Variants in ART1 observed in about 807,000 individuals in gnomAD.
ART1 encodes GPI-linked NAD(P)(+)--arginine ADP-ribosyltransferase 1.
ART1 carries 29 observed loss-of-function variants against 27.0 expected under a neutral mutation model. That is an observed-to-expected ratio of 1.08 (90% CI 0.80 to 1.47). The LOEUF is 1.47. Among genes scored for constraint, ART1 ranks in the 40% most tolerant of loss-of-function variants. ART1 has a pLI of 0.00. For synonymous variants in ART1, 201 were observed against 172.2 expected, an observed-to-expected ratio of 1.17 and a Z score of -1.31; for missense variants, 480 against 423.0, an observed-to-expected ratio of 1.13 and a Z score of -1.18.
intron 2 of ART1, 109 bp downstream of exon 2, chr11:3,659,385 TG>T: frequency 6.6e-7 from 1 of 1,517,450 alleles, no homozygotes; most frequent in Non-Finnish European, 9.1e-7. Context: ...ACGCTTCCCC[TG>T]GGGATCACTC....
chr11:3,646,396 T>C (rs568317658), intron 1 of ART1, among the ~76,000 whole-genome samples: 25 of 152,214 alleles, frequency 1.6e-4, no homozygotes, highest in Admixed American at 3.3e-4. Context: ...TGACGAATGA[T>C]TGACTGAATG....
At position 3,660,276 on chromosome 11, in the gene ART1, A is replaced by C. The variant is rs781609382; in HGVS notation, c.757A>C (p.Asn253His). ...CCCCTTTGAGACCTTCCAAGTGATCAATGCCAGCAGACTGGCCCAGGGCCC... is the reference window on the plus strand; with the variant it reads ...CCCCTTTGAGACCTTCCAAGTGATCCATGCCAGCAGACTGGCCCAGGGCCC... The part of the protein sequence containing the change: ...IPPFETFQVI[N>H]ASRLAQGPAR... Residue 253 changes from asparagine (N) to histidine (H), a missense_variant, in exon 3 of 5, where the codon AAT becomes CAT. Coordinates refer to ENST00000250693, the MANE Select transcript of ART1 (RefSeq NM_004314.3). The C allele has an allele frequency of 3.7e-6, 6 of 1,612,644 alleles. No homozygotes were observed. In the South Asian group the frequency reaches 6.6e-5, roughly 18 times the overall value.
rs2280135 is a variant in ART1, at chr11:3,660,385, G to A, written c.844+22G>A. 5.0e-4 allele frequency: 800 copies of A among 1,585,080 alleles called. 7 individuals carry two copies. In the East Asian group the frequency reaches 0.015, roughly 30 times the overall value. ...AAAGGTAGGAGGGCAAGCGCTGGTC[G>A]GCACCTGTGCGGAAGGTGGACCTTC... On this transcript the variant is annotated intron_variant, in intron 3 of 4. Coordinates refer to ENST00000250693, the MANE Select transcript of ART1 (RefSeq NM_004314.3).
At chr11:3,649,774 G>C (rs1173840471) in intron 1 of ART1, among the ~76,000 whole-genome samples, 2 of 152,262 alleles carry the variant, frequency 1.3e-5, no homozygotes, top group South Asian at 2.1e-4. Context: ...CAAGGTTAAT[G>C]CTCCTTTTTC....
At chr11:3,650,541 C>G (rs1457062178) in intron 1 of ART1, among the ~76,000 whole-genome samples, 2 of 152,200 alleles carry the variant, frequency 1.3e-5, no homozygotes, top group African/African-American at 2.4e-5. Flanking sequence ...ACATTACCTT[C>G]TTTTCAAGGG....
rs900327784 is a variant in ART1 at position 3,664,226 on chromosome 11, G to A, written c.*37G>A. On this transcript the variant is annotated 3_prime_UTR_variant, in exon 5 of 5. Coordinates refer to ENST00000250693, the MANE Select transcript of ART1 (RefSeq NM_004314.3). ...CGGGACAGCCTCGCCTGCTGCCTCT[G>A]CCCATCCTGAGGATGTTGGCCATGT... The A allele has an allele frequency of 2.5e-6, 4 of 1,594,628 alleles. No individual in the cohort carries two copies. The highest frequency in any genetic ancestry group is 3.4e-6 in the Non-Finnish European group (4 of 1,164,992).
chr11:3,647,434 C>T (rs1403394927), intron 1 of ART1, among the ~76,000 whole-genome samples: 1 of 151,932 alleles, frequency 6.6e-6, no homozygotes, highest in Non-Finnish European at 1.5e-5. Context: ...TCAGGAGTTC[C>T]AGAACAGCTT....
intron 1 of ART1, chr11:3,655,519 G>A (rs1254361462): frequency 1.3e-5 from 2 of 152,218 alleles, no homozygotes; most frequent in African/African-American, 2.4e-5. Flanking sequence ...CAGGGTGATG[G>A]AGAATGCTTC....
intron 4 of ART1, among the ~76,000 whole-genome samples, chr11:3,661,777 C>A (rs11028845): frequency 2.0e-5 from 3 of 152,186 alleles, no homozygotes; most frequent in South Asian, 4.2e-4. Flanking sequence ...GGATTACAGG[C>A]GTCAGCCACC....
intron 1 of ART1, among the ~76,000 whole-genome samples, chr11:3,654,873 C>T (rs1200436495): frequency 1.3e-5 from 2 of 152,358 alleles, no homozygotes; most frequent in Non-Finnish European, 2.9e-5. Context: ...TCAAGCCTCT[C>T]CTCCCCTCAA....
Position 3,659,862 on chromosome 11 carries a change from G to A in ART1, c.343G>A (p.Gly115Arg), listed in dbSNP as rs769740196. ...PPPLGFRDEH[G>R]VALLAYTANS... ...ACCCCTGGGCTTCCGCGATGAGCAT[G>A]GGGTGGCCCTCCTGGCCTACACAGC... The change falls in exon 3 of 5, where the codon GGG becomes AGG. Residue 115 changes from glycine (G) to arginine (R), a missense_variant. Physicochemically the swap from Gly to Arg is moderately radical, Grantham distance 125. Coordinates refer to ENST00000250693, the MANE Select transcript of ART1 (RefSeq NM_004314.3). 1.6e-5 allele frequency: 25 copies of A among 1,612,578 alleles called. No individual in the cohort carries two copies. The highest frequency in any genetic ancestry group is 3.3e-5 in the South Asian group (3 of 90,966).
chr11:3,662,391 C>A (rs1301894028), intron 4 of ART1, among the ~76,000 whole-genome samples: 3 of 152,228 alleles, frequency 2.0e-5, no homozygotes, highest in East Asian at 3.8e-4. Context: ...CCTCCCCAAG[C>A]CTTCAGAACT....
At chr11:3,655,984 G>A (rs1037281277) in intron 1 of ART1, among the ~76,000 whole-genome samples, 1 of 146,688 alleles carries the variant, frequency 6.8e-6, no homozygotes, top group Non-Finnish European at 1.5e-5. Flanking sequence ...CCAGGCTAGA[G>A]AGCAATGGTG....
intron 1 of ART1, among the ~76,000 whole-genome samples, chr11:3,647,916 A>AGGGCAATAAAAGAAGAT (rs372942052): frequency 3.0e-4 from 45 of 152,190 alleles, no homozygotes; most frequent in East Asian, 1.5e-3. Flanking sequence ...AAGAAGATAG[A>AGGGCAATAAAAGAAGAT]GGGCAATAAA....
At chr11:3,662,957 A>G (rs1387232528) in intron 4 of ART1, among the ~76,000 whole-genome samples, 5 of 152,192 alleles carry the variant, frequency 3.3e-5, no homozygotes, top group African/African-American at 1.2e-4. Flanking sequence ...TCAAGAGCCA[A>G]ACTCTGAACC....
At chr11:3,654,939 G>T (rs925247992) in intron 1 of ART1, among the ~76,000 whole-genome samples, 1 of 152,348 alleles carries the variant, frequency 6.6e-6, no homozygotes, top group South Asian at 2.1e-4. Context: ...CAGAGCTGTG[G>T]AGACACAATG....
chr11:3,660,643 G>A (rs548857801), intron 3 of ART1, among the ~76,000 whole-genome samples: 81 of 152,316 alleles, frequency 5.3e-4, no homozygotes, highest in Admixed American at 1.6e-3. Flanking sequence ...CATTTGAGTG[G>A]GCAAGCAGAC....
Position 3,656,335 on chromosome 11 carries a change from C to T in ART1, c.-52-2827C>T, listed in dbSNP as rs184720876. 8.5e-4 allele frequency among the ~76,000 whole-genome samples: 129 copies of T among 151,898 alleles called. 1 individual carries two copies. The highest frequency in any genetic ancestry group is 3.2e-3 in the Admixed American group (48 of 15,158). On this transcript the variant is annotated intron_variant, in intron 1 of 4. Coordinates refer to ENST00000250693, the MANE Select transcript of ART1 (RefSeq NM_004314.3). ...GAGTTGTTGGGACTACAGATATGCA[C>T]CACCACACCTGTAGCCTGGCTTATT... is the stretch of plus-strand genomic sequence containing the variant.
At chr11:3,659,474 G>A (rs2077599835) in intron 2 of ART1, 109 bp from the exon 3 acceptor site, 5 of 1,399,018 alleles carry the variant, frequency 3.6e-6, no homozygotes, top group Non-Finnish European at 4.8e-6. Context: ...CCCACCAGGT[G>A]TGTTTGGGGC....
Sources: allele counts gnomAD v4.1 joint callset (sites outside exome capture counted in the v4.1 genomes callset), GRCh38; gene constraint gnomAD v4.1.1; transcripts MANE v1.5; gene names NCBI Gene and HGNC (gene_info 2026-07-23, HGNC 2026-07-21).